ALDH2: variants seen among roughly 807,000 people sequenced by gnomAD.
ALDH2 encodes aldehyde dehydrogenase, mitochondrial.
Under a neutral mutation model 59.6 loss-of-function variants are expected in ALDH2, and 44 were observed. That is an observed-to-expected ratio of 0.74 (90% CI 0.58 to 0.95). ALDH2 has a LOEUF of 0.95. ALDH2 is among the 40% of genes least tolerant of loss of function. The pLI is 0.00. For missense variants in ALDH2, 570 were observed against 696.3 expected (o/e 0.82, Z 2.04); for synonymous variants, 291 against 284.0 (o/e 1.02, Z -0.25).
intron 9 of ALDH2, among the ~76,000 whole-genome samples, chr12:111,797,124 G>A (rs578041805): frequency 1.5e-4 from 23 of 151,948 alleles, no homozygotes; most frequent in Non-Finnish European, 2.9e-4. Context: ...TAGTAGAGAC[G>A]GGGTTTCACT....
chr12:111,767,189 A>G, intron 1 of ALDH2, 93 bp downstream of exon 1: 1 of 1,039,498 alleles, frequency 9.6e-7, no homozygotes, highest in Non-Finnish European at 1.3e-6. Context: ...GCCTTAGTGT[A>G]CTCATCTGGG....
chr12:111,769,321 G>T (rs2068181919), intron 1 of ALDH2, among the ~76,000 whole-genome samples: 1 of 152,104 alleles, frequency 6.6e-6, no homozygotes, highest in South Asian at 2.1e-4. Flanking sequence ...GGGATGCCAA[G>T]GTGGGAAGAT....
intron 1 of ALDH2, among the ~76,000 whole-genome samples, chr12:111,767,777 ATTT>A (rs1403598455): frequency 1.3e-5 from 2 of 152,178 alleles, no homozygotes; most frequent in Non-Finnish European, 2.9e-5. Flanking sequence ...ACTTTGGAAT[ATTT>A]TTTGTTTTGA....
Position 111,814,348 on chromosome 12 carries a change from A to G in ALDH2, c.*4773A>G, listed in dbSNP as rs2136033343. ...GGTGACAGAGTGAGACTCTGTCTCC[A>G]AAAAAAAAAAAAGAAACCCCATCTC... is the stretch of plus-strand genomic sequence containing the variant. On this transcript the variant is annotated 3_prime_UTR_variant, in exon 13 of 13. Transcript: ENST00000261733. The G allele has an allele frequency of 7.1e-6, 1 of 140,178 alleles. No homozygotes were observed. The highest frequency in any genetic ancestry group is 2.3e-4 in the South Asian group (1 of 4,418). The allele number at this position is 140,178 out of a possible 1,614,324, so 8.7% of individuals were successfully genotyped here.
intron 10 of ALDH2, among the ~76,000 whole-genome samples, chr12:111,799,526 C>T (rs1367069509): frequency 6.7e-6 from 1 of 148,454 alleles, no homozygotes; most frequent in Non-Finnish European, 1.5e-5. Flanking sequence ...CCAGGCTGGA[C>T]TCGAACTCCT....
intron 1 of ALDH2, among the ~76,000 whole-genome samples, chr12:111,769,750 C>T (rs996271983): frequency 2.6e-5 from 4 of 152,170 alleles, no homozygotes; most frequent in African/African-American, 2.4e-5. Flanking sequence ...CCTCTTAGAG[C>T]CCCCTGGGCT....
At chr12:111,772,957 A>G (rs1449334765) in intron 1 of ALDH2, among the ~76,000 whole-genome samples, 1 of 150,976 alleles carries the variant, frequency 6.6e-6, no homozygotes, top group African/African-American at 2.4e-5. Flanking sequence ...AAAAAAAACA[A>G]AAAGAAATAG....
At chr12:111,797,292 A>G (rs1051857285) in intron 9 of ALDH2, among the ~76,000 whole-genome samples, 1 of 152,188 alleles carries the variant, frequency 6.6e-6, no homozygotes, top group Non-Finnish European at 1.5e-5. Context: ...GTTAGTTCAC[A>G]GATCTATTAG....
chr12:111,782,823 G>T lies in ALDH2; in HGVS notation c.220-335G>T, dbSNP rs536346295. Among the ~76,000 whole-genome samples, 28 of 152,070 alleles carry T rather than the reference G, an allele frequency of 1.8e-4. 1 individual carries two copies. Among genetic ancestry groups the T allele is most frequent in the African/African-American group, 6.5e-4 (27 of 41,480 alleles). On this transcript the variant is annotated intron_variant, in intron 2 of 12. Transcript: ENST00000261733. ...TGCTTGAACCCGGGAGGCGGAGGTT[G>T]CAATGAGCCGAGATTGCGCCACTAT...
intron 7 of ALDH2, 142 bp downstream of exon 7, chr12:111,791,561 G>A: frequency 1.5e-6 from 1 of 663,084 alleles, no homozygotes; most frequent in Non-Finnish European, 2.6e-6. Context: ...ACCAGGAGGG[G>A]TGGGGCAGGG....
At chr12:111,790,361 T>C in intron 5 of ALDH2, 73 bp from the exon 6 acceptor site, 1 of 1,597,908 alleles carries the variant, frequency 6.3e-7, no homozygotes, top group East Asian at 2.2e-5. Context: ...CCCTCTGGGG[T>C]TGCCACCTTC....
At chr12:111,771,890 G>A (rs2136006719) in intron 1 of ALDH2, among the ~76,000 whole-genome samples, 1 of 152,162 alleles carries the variant, frequency 6.6e-6, no homozygotes, top group African/African-American at 2.4e-5. Context: ...CTTGAGCACA[G>A]GAGTTCGAGA....
chr12:111,771,773 C>T (rs570050935), intron 1 of ALDH2, among the ~76,000 whole-genome samples: 12 of 152,214 alleles, frequency 7.9e-5, no homozygotes, highest in Non-Finnish European at 8.8e-5. Context: ...TAGTGATGAA[C>T]GAGGACTCTG....
chr12:111,769,866 C>A (rs1477796581), intron 1 of ALDH2, among the ~76,000 whole-genome samples: 1 of 152,112 alleles, frequency 6.6e-6, no homozygotes, highest in Admixed American at 6.6e-5. Context: ...GGTAAAATGG[C>A]TGGGTGCAGT....
At chr12:111,777,759 A>G (rs532162181) in intron 1 of ALDH2, among the ~76,000 whole-genome samples, 1 of 152,306 alleles carries the variant, frequency 6.6e-6, no homozygotes, top group Admixed American at 6.5e-5. Flanking sequence ...TAGGTCTGGC[A>G]GTTTCCTGGC....
chr12:111,801,363 A>C (rs965573096), intron 11 of ALDH2, among the ~76,000 whole-genome samples: 2 of 152,228 alleles, frequency 1.3e-5, no homozygotes, highest in Non-Finnish European at 2.9e-5. Flanking sequence ...GTAGCCATGC[A>C]TGCAATAGCA....
chr12:111,780,552 C>T (rs114588087), intron 1 of ALDH2, among the ~76,000 whole-genome samples: 206 of 152,288 alleles, frequency 1.4e-3, no homozygotes, highest in African/African-American at 4.8e-3. Flanking sequence ...TTCATCATTC[C>T]GGACTCGGTC....
At chr12:111,789,794 T>G in intron 4 of ALDH2, 29 bp from the exon 5 acceptor site, 1 of 1,588,742 alleles carries the variant, frequency 6.3e-7, no homozygotes, top group Non-Finnish European at 8.6e-7. Flanking sequence ...CAATCATTGA[T>G]TCGAGCTTGA....
intron 4 of ALDH2, among the ~76,000 whole-genome samples, chr12:111,788,314 C>T (rs2068329062): frequency 6.6e-6 from 1 of 152,176 alleles, no homozygotes; most frequent in Non-Finnish European, 1.5e-5. Flanking sequence ...TGTCCAGAGA[C>T]ATTTTTGGCA....
Sources: allele counts gnomAD v4.1 joint callset (sites outside exome capture counted in the v4.1 genomes callset), GRCh38; gene constraint gnomAD v4.1.1; transcripts MANE v1.5; gene names NCBI Gene and HGNC (gene_info 2026-07-23, HGNC 2026-07-21).